Variants in LEMD1 observed in about 807,000 individuals in gnomAD.
LEMD1 encodes the protein LEM domain-containing protein 1.
In LEMD1, 18 loss-of-function variants were observed where a neutral mutation model predicts 17.4. The ratio of observed to expected loss-of-function variants is 1.04; its 90% CI spans 0.72 to 1.54. The LOEUF (loss-of-function observed/expected upper bound fraction) is 1.54. Among genes scored for constraint, LEMD1 ranks in the 40% most tolerant of loss-of-function variants. LEMD1 has a pLI of 0.00. For synonymous variants in LEMD1, 88 were observed against 77.8 expected (o/e 1.13, Z -0.69); for missense variants, 195 against 210.4 (o/e 0.93, Z 0.45).
chr1:205,384,921 T>C (rs558481515), intron 4 of LEMD1, among the ~76,000 whole-genome samples: 1 of 151,630 alleles, frequency 6.6e-6, no homozygotes, highest in East Asian at 1.9e-4. Context: ...CACTGAGGCC[T>C]TCCAGTGAGC....
chr1:205,424,067 C>T (rs1666026169), upstream of LEMD1, among the ~76,000 whole-genome samples: 1 of 152,206 alleles, frequency 6.6e-6, no homozygotes. Flanking sequence ...TTACTAACCC[C>T]ATTCTTTGGA....
At chr1:205,387,342 T>G (rs1328030053) in intron 4 of LEMD1, 1 of 152,126 alleles carries the variant, frequency 6.6e-6, no homozygotes, top group Non-Finnish European at 1.5e-5. Flanking sequence ...CGGTATAAAT[T>G]GTACATAAAC....
intron 4 of LEMD1, among the ~76,000 whole-genome samples, chr1:205,406,036 A>T (rs1665080537): frequency 6.6e-6 from 1 of 152,228 alleles, no homozygotes; most frequent in Non-Finnish European, 1.5e-5. Context: ...TGATCCACGA[A>T]TGCTGCTGTC....
chr1:205,387,870 A>G (rs1574942409), intron 4 of LEMD1, among the ~76,000 whole-genome samples: 2 of 152,376 alleles, frequency 1.3e-5, no homozygotes, highest in East Asian at 3.8e-4. Flanking sequence ...TCACTACAAC[A>G]CTAGCTAACA....
intron 4 of LEMD1, among the ~76,000 whole-genome samples, chr1:205,393,208 T>C (rs1473980335): frequency 6.6e-6 from 1 of 152,128 alleles, no homozygotes; most frequent in African/African-American, 2.4e-5. Context: ...AAACAGACAT[T>C]TCTTCAAAGA....
intron 1 of LEMD1, among the ~76,000 whole-genome samples, chr1:205,431,746 C>A (rs1440713663): frequency 6.6e-6 from 1 of 152,056 alleles, no homozygotes. Context: ...GAGACTGAGT[C>A]TTGCTCTGTT....
chr1:205,411,266 G>C (rs1041324461), intron 4 of LEMD1, among the ~76,000 whole-genome samples: 3 of 149,382 alleles, frequency 2.0e-5, no homozygotes, highest in African/African-American at 7.3e-5. Flanking sequence ...GAAGGAAAAA[G>C]AAAGAAGAAA....
intron 1 of LEMD1, among the ~76,000 whole-genome samples, chr1:205,438,447 C>T (rs1310830525): frequency 6.6e-6 from 1 of 152,242 alleles, no homozygotes; most frequent in African/African-American, 2.4e-5. Context: ...GGCGCAGGGT[C>T]TGCGAATGCT....
intron 1 of LEMD1, among the ~76,000 whole-genome samples, chr1:205,421,198 T>G (rs973234137): frequency 8.5e-5 from 13 of 152,178 alleles, no homozygotes; most frequent in Non-Finnish European, 1.8e-4. Context: ...TCATATAGAT[T>G]TATGTAAATC....
intron 4 of LEMD1, among the ~76,000 whole-genome samples, chr1:205,409,575 A>T (rs1665287658): frequency 6.6e-6 from 1 of 151,522 alleles, no homozygotes; most frequent in Non-Finnish European, 1.5e-5. Context: ...TAGAGCTGAG[A>T]TTTGAACCCA....
chr1:205,415,097 C>A (rs751574695), intron 4 of LEMD1, among the ~76,000 whole-genome samples: 1 of 152,008 alleles, frequency 6.6e-6, no homozygotes, highest in Non-Finnish European at 1.5e-5. Flanking sequence ...AAACCCAGGC[C>A]GCAGATGCAG....
intron 4 of LEMD1, among the ~76,000 whole-genome samples, chr1:205,398,816 G>A (rs1664704880): frequency 6.6e-6 from 1 of 152,182 alleles, no homozygotes; most frequent in African/African-American, 2.4e-5. Context: ...TTGTAGTAGG[G>A]GCTGCAAGGG....
rs77986819 is a variant in LEMD1, at chr1:205,420,935, G to T, written c.-38-361C>A. 1.0e-3 allele frequency among the ~76,000 whole-genome samples: 152 copies of T among 148,866 alleles called. 2 individuals are homozygous for T. The East Asian group carries it at 0.024, about 24-fold the overall frequency. ...AGAAGATAAGAAGTTAATTAAATAT[G>T]AAAGAGCTGAGAGGTTTTTTTTTTT... On this transcript the variant is annotated intron_variant, in intron 1 of 5. Transcript: ENST00000367153.
intron 4 of LEMD1, among the ~76,000 whole-genome samples, chr1:205,408,844 G>C (rs1665251322): frequency 6.7e-6 from 1 of 148,492 alleles, no homozygotes; most frequent in Admixed American, 6.7e-5. Context: ...TACCGGAAGG[G>C]CACATGTGAC....
At chr1:205,391,515 T>A (rs1235470882) in intron 4 of LEMD1, among the ~76,000 whole-genome samples, 1 of 152,210 alleles carries the variant, frequency 6.6e-6, no homozygotes, top group Non-Finnish European at 1.5e-5. Flanking sequence ...TGATGTTAAC[T>A]GCCCTGTGGC....
intron 1 of LEMD1, chr1:205,435,252 T>C (rs920419502): frequency 6.6e-6 from 1 of 152,178 alleles, no homozygotes. Context: ...TAGGGGTATA[T>C]AGGTGGGGAA....
chr1:205,435,091 A>C (rs6680719), intron 1 of LEMD1: 2 of 152,160 alleles, frequency 1.3e-5, no homozygotes, highest in Non-Finnish European at 2.9e-5. Context: ...TCAGCCGAGG[A>C]AGAACCTCAG....
intron 5 of LEMD1, 114 bp from the exon 6 acceptor site, chr1:205,381,970 G>A (rs1408692220): frequency 1.1e-6 from 1 of 932,640 alleles, no homozygotes; most frequent in African/African-American, 1.6e-5. Context: ...GGGCTTTAGA[G>A]GTAGCCTCTC....
intron 1 of LEMD1, among the ~76,000 whole-genome samples, chr1:205,432,826 T>C (rs1666146665): frequency 6.6e-6 from 1 of 151,584 alleles, no homozygotes; most frequent in East Asian, 2.0e-4. Context: ...CTGGGCAACA[T>C]AGTAAGACCC....
Sources: allele counts gnomAD v4.1 joint callset (sites outside exome capture counted in the v4.1 genomes callset), GRCh38; gene constraint gnomAD v4.1.1; transcripts MANE v1.5; gene names NCBI Gene and HGNC (gene_info 2026-07-23, HGNC 2026-07-21).